The following TENM1 variants were observed in gnomAD, a reference collection of about 807,000 sequenced individuals.
The protein encoded by TENM1 is teneurin transmembrane protein 1, also known as teneurin-1.
Under a neutral mutation model 174.8 loss-of-function variants are expected in TENM1, and 35 were observed. The observed-to-expected ratio is 0.20, with a 90% CI of 0.15 to 0.27. The LOEUF (loss-of-function observed/expected upper bound fraction) is 0.27. Among genes scored for constraint, TENM1 ranks in the 10% least tolerant of loss-of-function variants. TENM1 has a pLI of 1.00. For synonymous variants in TENM1, 781 were observed against 798.7 expected, an observed-to-expected ratio of 0.98 and a Z score of 0.37; for missense variants, 1,633 against 2,130.1, an observed-to-expected ratio of 0.77 and a Z score of 4.59.
At chrX:125,065,718 A>C in the TENM1 span, among the ~76,000 whole-genome samples, 4 of 112,159 alleles carry the variant, frequency 3.6e-5, no homozygotes, top group South Asian at 1.5e-3. Context: ...TTCATGTGTA[A>C]AGTCCTGCAT....
the TENM1 span, among the ~76,000 whole-genome samples, chrX:125,149,070 TTCTG>T: frequency 1.1e-5 from 1 of 93,931 alleles, no homozygotes; most frequent in Non-Finnish European, 2.1e-5. Context: ...GCATTCAAGG[TTCTG>T]TCTATCTTTC....
chrX:124,383,656 T>C (rs374889228), exon 30 of TENM1: 20 of 1,208,130 alleles, frequency 1.7e-5, no homozygotes, highest in Non-Finnish European at 2.0e-5. Flanking sequence ...TTGCAACATC[T>C]TGAATTTTGC....
the TENM1 span, among the ~76,000 whole-genome samples, chrX:125,162,528 A>G: frequency 9.0e-6 from 1 of 111,623 alleles, no homozygotes; most frequent in Non-Finnish European, 1.9e-5. Flanking sequence ...CCACCTCCAC[A>G]TCTCTTGATT....
At chrX:124,734,428 C>T (rs781699731) in intron 4 of TENM1, among the ~76,000 whole-genome samples, 32 of 107,857 alleles carry the variant, frequency 3.0e-4, no homozygotes, top group Middle Eastern at 4.7e-3. Context: ...CCAGCCTGGG[C>T]GACAGAAGGA....
chrX:125,113,439 A>C, the TENM1 span, among the ~76,000 whole-genome samples: 6 of 111,429 alleles, frequency 5.4e-5, no homozygotes, highest in African/African-American at 2.0e-4. Context: ...AATGGTTATT[A>C]TTAAAACCAA....
At chrX:124,802,078 T>C (rs992807855) in intron 3 of TENM1, among the ~76,000 whole-genome samples, 4 of 111,568 alleles carry the variant, frequency 3.6e-5, no homozygotes, top group Non-Finnish European at 5.6e-5. Flanking sequence ...CAGTGGAGTT[T>C]GTTATTACTG....
At chrX:124,584,187 G>C (rs1288586618) in intron 11 of TENM1, among the ~76,000 whole-genome samples, 1,629 of 93,880 alleles carry the variant, frequency 0.017, 13 homozygotes, top group African/African-American at 0.066. Flanking sequence ...ACAGAGAATG[G>C]CACAAAGATA....
At chrX:125,073,641 A>G in the TENM1 span, among the ~76,000 whole-genome samples, 368 of 111,054 alleles carry the variant, frequency 3.3e-3, 3 homozygotes, top group African/African-American at 0.012. Flanking sequence ...CATTGTAGGT[A>G]TGTGGGTAAA....
chrX:124,540,930 A>T (rs760901665), intron 15 of TENM1, among the ~76,000 whole-genome samples: 1 of 112,187 alleles, frequency 8.9e-6, no homozygotes, highest in Non-Finnish European at 1.9e-5. Context: ...AATTTTGATT[A>T]TCTAACCCAT....
chrX:124,413,337 ACAGTGTCTCATT>A (rs1214004116), intron 25 of TENM1, among the ~76,000 whole-genome samples: 1 of 112,068 alleles, frequency 8.9e-6, no homozygotes, highest in Non-Finnish European at 1.9e-5. Flanking sequence ...GAGGGAGGAC[ACAGTGTCTCATT>A]CATTTTTATA....
intron 5 of TENM1, among the ~76,000 whole-genome samples, chrX:124,692,215 A>G (rs1267064701): frequency 1.8e-5 from 2 of 111,553 alleles, no homozygotes; most frequent in Non-Finnish European, 3.8e-5. Flanking sequence ...ATTCTCCCTT[A>G]TAAGTGGGAG....
At chrX:125,019,711 C>T in the TENM1 span, among the ~76,000 whole-genome samples, 1 of 110,762 alleles carries the variant, frequency 9.0e-6, no homozygotes, top group Admixed American at 9.7e-5. Flanking sequence ...CTCTGGGCGG[C>T]CTTGAGCAAA....
exon 30 of TENM1, chrX:124,383,848 C>T (rs776648466): frequency 7.4e-6 from 9 of 1,211,017 alleles, no homozygotes; most frequent in Non-Finnish European, 8.9e-6. Context: ...CAATAATGAC[C>T]TGAAAGTCAG....
At chrX:125,044,223 TA>T in the TENM1 span, among the ~76,000 whole-genome samples, 2,370 of 75,299 alleles carry the variant, frequency 0.031, 91 homozygotes, top group African/African-American at 0.11. Flanking sequence ...AAAAAAAAAA[TA>T]AAAAAAAAAG....
At chrX:124,716,849 G>T (rs1007199273) in intron 4 of TENM1, among the ~76,000 whole-genome samples, 2 of 111,376 alleles carry the variant, frequency 1.8e-5, no homozygotes, top group African/African-American at 6.5e-5. Flanking sequence ...GGTAAGGAAC[G>T]CACTGAGTAT....
At chrX:124,473,421 A>C (rs1322187582) in intron 22 of TENM1, among the ~76,000 whole-genome samples, 1 of 111,738 alleles carries the variant, frequency 8.9e-6, no homozygotes, top group East Asian at 2.8e-4. Context: ...CAGATAAGAA[A>C]AGTGTGACAT....
intron 3 of TENM1, among the ~76,000 whole-genome samples, chrX:124,801,882 A>C (rs2055461877): frequency 9.0e-6 from 1 of 111,538 alleles, no homozygotes; most frequent in African/African-American, 3.3e-5. Flanking sequence ...TGGGTTGAAA[A>C]TTCTTTTCTT....
intron 27 of TENM1, among the ~76,000 whole-genome samples, chrX:124,396,748 T>C (rs1214397729): frequency 8.9e-6 from 1 of 111,881 alleles, no homozygotes; most frequent in Non-Finnish European, 1.9e-5. Flanking sequence ...TGAAAGATGA[T>C]AGCCCTTGAC....
At chrX:124,776,034 A>G (rs2054775062) in intron 3 of TENM1, among the ~76,000 whole-genome samples, 1 of 112,116 alleles carries the variant, frequency 8.9e-6, no homozygotes, top group South Asian at 3.7e-4. Flanking sequence ...ATTGTTGGAT[A>G]GTATGTTACT....
Sources: gnomAD v4.1 joint callset for allele counts (sites outside exome capture counted in the v4.1 genomes callset) on GRCh38, gnomAD v4.1.1 for gene constraint, MANE v1.5 for transcripts, NCBI Gene and HGNC (gene_info 2026-07-23, HGNC 2026-07-21) for gene names.